TECTB: variants seen among roughly 807,000 people sequenced by gnomAD.
TECTB encodes the protein beta-tectorin.
A neutral mutation model predicts 43.3 loss-of-function variants in TECTB; 45 were observed. The observed-to-expected ratio is 1.04, with a 90% CI of 0.82 to 1.33. The LOEUF is 1.33. Ranked by LOEUF, TECTB falls within the 40% of genes most tolerant of loss-of-function variation. TECTB has a pLI of 0.00. For missense variants in TECTB, 399 were observed against 404.7 expected (o/e 0.99, Z 0.12); for synonymous variants, 169 against 156.7 (o/e 1.08, Z -0.59).
At chr10:112,288,457 C>T (rs981952337) in intron 5 of TECTB, among the ~76,000 whole-genome samples, 2 of 152,134 alleles carry the variant, frequency 1.3e-5, no homozygotes, top group Non-Finnish European at 2.9e-5. Context: ...GTCAAGCGTC[C>T]CCTGAGGCCC....
Position 112,293,763 on chromosome 10 carries a change from A to T in TECTB, c.509A>T (p.Glu170Val). The change falls in exon 6 of 11, where the codon GAA (glutamate) becomes GTA (valine). Residue 170 changes from glutamate to valine, a missense_variant. Coordinates refer to ENST00000646139, the MANE Select transcript of TECTB (RefSeq NM_058222.3). ...AATGCCAAGTTCTCCATCAAGAAAG[A>T]AGCTCCCTTTGTCCTGGAGGCATCC... ...YTNAKFSIKK[E>V]APFVLEASEI... 6.2e-7 allele frequency: 1 copy of T among 1,614,168 alleles called. No individual in the cohort carries two copies.
At chr10:112,303,137 C>T in intron 10 of TECTB, 126 bp from the exon 11 acceptor site, 2 of 1,172,678 alleles carry the variant, frequency 1.7e-6, no homozygotes, top group Non-Finnish European at 2.5e-6. Context: ...AAGGGATGAA[C>T]AAAATCGACT....
intron 5 of TECTB, 89 bp from the exon 6 acceptor site, chr10:112,293,649 C>A (rs879200467): frequency 1.7e-6 from 2 of 1,171,398 alleles, no homozygotes; most frequent in Admixed American, 1.8e-5. Context: ...TGATTCTCAT[C>A]CCCACCCCAT....
chr10:112,297,037 C>CGTCTGTTT (rs1346952324), intron 7 of TECTB, among the ~76,000 whole-genome samples: 1 of 152,202 alleles, frequency 6.6e-6, no homozygotes, highest in African/African-American at 2.4e-5. Flanking sequence ...AGAATGGTTG[C>CGTCTGTTT]GTCTGTTTCC....
chr10:112,303,990 G>C lies in TECTB; in HGVS notation c.*678G>C, dbSNP rs575846451. 1 of 152,236 alleles carries C rather than the reference G, an allele frequency of 6.6e-6. No individual in the cohort carries two copies. The highest frequency in any genetic ancestry group is 1.9e-4 in the East Asian group (1 of 5,188). 9.4% of individuals were successfully genotyped at this position (152,236 alleles called of 1,614,324 possible). ...TAGGTAGAAACTCCTTGTTTTTATAGCAGATGTATACTTCTAAAGTCAAAA... is the reference window on the plus strand; with the variant it reads ...TAGGTAGAAACTCCTTGTTTTTATACCAGATGTATACTTCTAAAGTCAAAA... On this transcript the variant is annotated 3_prime_UTR_variant, in exon 11 of 11. Coordinates refer to ENST00000646139, the MANE Select transcript of TECTB (RefSeq NM_058222.3).
chr10:112,293,220 C>A (rs1848514788), intron 5 of TECTB, among the ~76,000 whole-genome samples: 1 of 152,230 alleles, frequency 6.6e-6, no homozygotes, highest in African/African-American at 2.4e-5. Context: ...ATCGTCAGTG[C>A]CCAACACATA....
chr10:112,297,667 G>C (rs1848560762), intron 7 of TECTB, among the ~76,000 whole-genome samples: 1 of 152,156 alleles, frequency 6.6e-6, no homozygotes, highest in Non-Finnish European at 1.5e-5. Context: ...TGTGACTTGA[G>C]CTTAGGCAGC....
At chr10:112,298,007 C>A in intron 7 of TECTB, 62 bp from the exon 8 acceptor site, 1 of 1,608,706 alleles carries the variant, frequency 6.2e-7, no homozygotes, top group South Asian at 1.1e-5. Flanking sequence ...GTAAATCGCT[C>A]AGCAGCTCTT....
intron 3 of TECTB, among the ~76,000 whole-genome samples, chr10:112,285,382 TCTATCC>T (rs1159589968): frequency 6.6e-6 from 1 of 152,122 alleles, no homozygotes; most frequent in African/African-American, 2.4e-5. Flanking sequence ...AGGCTGTGCA[TCTATCC>T]ATCTCAGAGC....
Position 112,298,208 on chromosome 10 carries a change from A to G in TECTB, c.811A>G (p.Ser271Gly), listed in dbSNP as rs759862791. Residue 271 changes from serine (S) to glycine (G), a missense_variant, in exon 8 of 11, where the codon AGT becomes GGT. Transcript: ENST00000646139. ...ACACTGTGAGACGTTCATCTGCGAC[A>G]GTGAGAAACTCTCCTGCCCAGTGGT... The part of the protein sequence containing the change: ...WLHCETFICD[S>G]EKLSCPVTCD... The G allele has an allele frequency of 6.2e-7, 1 of 1,614,136 alleles. No individual in the cohort carries two copies. Among genetic ancestry groups the G allele is most frequent in the Non-Finnish European group, 8.5e-7 (1 of 1,179,990 alleles).
At chr10:112,288,653 G>C (rs1465298422) in intron 5 of TECTB, among the ~76,000 whole-genome samples, 1 of 152,014 alleles carries the variant, frequency 6.6e-6, no homozygotes, top group African/African-American at 2.4e-5. Flanking sequence ...AGCAACAACT[G>C]CTCCCTGCAT....
At chr10:112,286,929 CA>C (rs959491262) in intron 5 of TECTB, among the ~76,000 whole-genome samples, 1 of 151,976 alleles carries the variant, frequency 6.6e-6, no homozygotes, top group Non-Finnish European at 1.5e-5. Flanking sequence ...TCTCAAAAAA[CA>C]AAAATAAAAA....
chr10:112,300,267 AAAGAAAGAAAGAAAAGAAAG>A (rs1473068366), intron 9 of TECTB, among the ~76,000 whole-genome samples: 4 of 31,704 alleles, frequency 1.3e-4, no homozygotes, highest in Non-Finnish European at 2.3e-4. Context: ...AGAAAGAAAG[AAAGAAAGAAAGAAAAGAAAG>A]AAAGAAAGAA....
At chr10:112,294,150 A>G (rs1453142516) in intron 7 of TECTB, 89 bp downstream of exon 7, 4 of 1,202,796 alleles carry the variant, frequency 3.3e-6, no homozygotes, top group Non-Finnish European at 4.9e-6. Context: ...CTTGGGAGGA[A>G]GAGGTGAAGC....
rs75431386 is a variant in TECTB at position 112,288,324 on chromosome 10, G to T, written c.483+1933G>T. 6.7e-3 allele frequency among the ~76,000 whole-genome samples: 1,026 copies of T among 152,138 alleles called. 6 individuals carry two copies. Among genetic ancestry groups the T allele is most frequent in the African/African-American group, 0.023 (969 of 41,466 alleles). On this transcript the variant is annotated intron_variant, in intron 5 of 10. Transcript: ENST00000646139. ...AAACATCAAGTCTTAGAACTGGAAT[G>T]AGCTTATTTTCTTAAAAAAAAATAA...
chr10:112,283,774 G>C lies in TECTB; in HGVS notation c.40G>C (p.Glu14Gln), dbSNP rs995897301. Reference sequence around the variant, plus strand: ...CTTTGTCTTGTTGGCCATCTTTGCAGAAGCCTCTGCAAAATCGTGTGCTCC... The same window carrying C: ...CTTTGTCTTGTTGGCCATCTTTGCACAAGCCTCTGCAAAATCGTGTGCTCC... ...KAFVLLAIFAEASAKSCAPNK... is the reference protein window; with the variant it reads ...KAFVLLAIFAQASAKSCAPNK... The change falls in exon 2 of 11, where the codon GAA becomes CAA. Residue 14 changes from glutamate to glutamine, a missense_variant. By Grantham distance (29) the Glu-to-Gln change is conservative (BLOSUM62 2). Coordinates refer to ENST00000646139, the MANE Select transcript of TECTB (RefSeq NM_058222.3). 2 of 1,613,842 alleles carry C rather than the reference G, an allele frequency of 1.2e-6. No individual in the cohort carries two copies. The highest frequency in any genetic ancestry group is 1.3e-5 in the African/African-American group (1 of 74,902).
chr10:112,292,148 A>G (rs1432354639), intron 5 of TECTB, among the ~76,000 whole-genome samples: 1 of 151,802 alleles, frequency 6.6e-6, no homozygotes, highest in Non-Finnish European at 1.5e-5. Flanking sequence ...AAAAAAAAAA[A>G]AAGAAAGAAA....
intron 9 of TECTB, among the ~76,000 whole-genome samples, chr10:112,300,759 G>A (rs1848604397): frequency 6.6e-6 from 1 of 152,158 alleles, no homozygotes; most frequent in South Asian, 2.1e-4. Flanking sequence ...CTAGTATAAT[G>A]CAAAGATTCC....
At chr10:112,296,066 T>C (rs1158552616) in intron 7 of TECTB, among the ~76,000 whole-genome samples, 1 of 152,072 alleles carries the variant, frequency 6.6e-6, no homozygotes, top group Non-Finnish European at 1.5e-5. Context: ...ACCTCAAAGT[T>C]GGAGATACAT....
Sources: allele counts gnomAD v4.1 joint callset (sites outside exome capture counted in the v4.1 genomes callset), GRCh38; gene constraint gnomAD v4.1.1; transcripts MANE v1.5; gene names NCBI Gene and HGNC (gene_info 2026-07-23, HGNC 2026-07-21).